The following LRRC8D variants were observed in gnomAD, a reference collection of about 807,000 sequenced individuals.
The protein encoded by LRRC8D is volume-regulated anion channel subunit LRRC8D.
LRRC8D carries 20 observed loss-of-function variants against 55.8 expected under a neutral mutation model. The observed-to-expected ratio is 0.36, with a 90% CI of 0.25 to 0.52. The LOEUF is 0.52. LRRC8D is among the 20% of genes least tolerant of loss of function. LRRC8D has a pLI of 0.93. For missense variants in LRRC8D, 651 were observed against 1,030.8 expected (o/e 0.63, Z 5.05); for synonymous variants, 352 against 377.0 (o/e 0.93, Z 0.77).
At chr1:89,906,122 C>G (rs900149626) in intron 2 of LRRC8D, among the ~76,000 whole-genome samples, 5 of 152,180 alleles carry the variant, frequency 3.3e-5, no homozygotes, top group African/African-American at 9.7e-5. Flanking sequence ...TAACTGCCCC[C>G]CAACTGCTGT....
intron 2 of LRRC8D, among the ~76,000 whole-genome samples, chr1:89,929,218 A>G (rs1381345560): frequency 2.6e-5 from 4 of 152,354 alleles, no homozygotes; most frequent in African/African-American, 9.6e-5. Flanking sequence ...CACATGGAAG[A>G]AACACCTCAC....
intron 2 of LRRC8D, among the ~76,000 whole-genome samples, chr1:89,930,902 G>C (rs1663688475): frequency 6.6e-6 from 1 of 151,360 alleles, no homozygotes; most frequent in South Asian, 2.1e-4. Flanking sequence ...ACCCACACAA[G>C]ATACAGGAGC....
chr1:89,891,410 G>A (rs998462190), intron 2 of LRRC8D, among the ~76,000 whole-genome samples: 1 of 152,146 alleles, frequency 6.6e-6, no homozygotes, highest in Non-Finnish European at 1.5e-5. Flanking sequence ...CTGTTAGTAA[G>A]GATGATGTCT....
intron 2 of LRRC8D, among the ~76,000 whole-genome samples, chr1:89,877,973 G>A (rs1477082107): frequency 6.6e-6 from 1 of 152,208 alleles, no homozygotes; most frequent in East Asian, 1.9e-4. Flanking sequence ...AGCTGAGCAG[G>A]ACTGGCAGGA....
chr1:89,855,793 T>C (rs540531323), intron 2 of LRRC8D, among the ~76,000 whole-genome samples: 1 of 152,344 alleles, frequency 6.6e-6, no homozygotes, highest in Admixed American at 6.5e-5. Flanking sequence ...TGTTCATAAA[T>C]ATGTTCTTCC....
In LRRC8D at chr1:89,935,211, A is replaced by G. The variant is rs774383573; in HGVS notation, c.2143A>G (p.Asn715Asp). Residue 715 changes from asparagine to aspartate, a missense_variant, in exon 3 of 3, where the codon AAC (asparagine) becomes GAC (aspartate). Physicochemically the swap from Asn to Asp is conservative, Grantham distance 23. Coordinates refer to ENST00000337338, the MANE Select transcript of LRRC8D (RefSeq NM_001134479.2). ...VKNLESLYFS[N>D]NKLESLPVAV... ...AAACTTGGAGTCACTTTATTTCTCT[A>G]ACAACAAGCTCGAATCCTTACCAGT... 2.2e-5 allele frequency: 35 copies of G among 1,614,060 alleles called. 1 individual carries two copies. Among genetic ancestry groups the G allele is most frequent in the South Asian group, 7.7e-5 (7 of 91,076 alleles).
chr1:89,933,626 T>TCCCA lies in LRRC8D; in HGVS notation c.559_562dup (p.Lys188ThrfsTer19), dbSNP rs1289132938. 1 of 1,614,108 alleles carries TCCCA rather than the reference T, an allele frequency of 6.2e-7. No homozygotes were observed. The highest frequency in any genetic ancestry group is 1.7e-5 in the Admixed American group (1 of 60,018). On this transcript the variant is annotated frameshift_variant, in exon 3 of 3. Transcript: ENST00000337338. LOFTEE classifies it high-confidence loss of function. This position sits in a 1 kb window ranked among gnomAD's most constrained non-coding sequence, Gnocchi z 7.0. ...TCAGTAGCAACTTTTGGTTCAAATA[T>TCCCA]CCCAAAACATGCTCAAAAGTAGAAC...
intron 2 of LRRC8D, among the ~76,000 whole-genome samples, chr1:89,907,765 G>A (rs1663032218): frequency 6.6e-6 from 1 of 152,160 alleles, no homozygotes; most frequent in South Asian, 2.1e-4. Flanking sequence ...ACACTGTTTT[G>A]TAATTAATGT....
chr1:89,927,087 C>G (rs1431306813), intron 2 of LRRC8D, among the ~76,000 whole-genome samples: 1 of 152,242 alleles, frequency 6.6e-6, no homozygotes, highest in Non-Finnish European at 1.5e-5. Context: ...ATGGCAGAAT[C>G]AGTCCTTTGT....
At chr1:89,895,076 C>T (rs1662672332) in intron 2 of LRRC8D, among the ~76,000 whole-genome samples, 1 of 147,650 alleles carries the variant, frequency 6.8e-6, no homozygotes, top group Non-Finnish European at 1.5e-5. Flanking sequence ...TGTTAACTGA[C>T]TCCTGTACTT....
At chr1:89,906,092 C>T (rs1052620752) in intron 2 of LRRC8D, among the ~76,000 whole-genome samples, 4 of 152,152 alleles carry the variant, frequency 2.6e-5, no homozygotes, top group Non-Finnish European at 5.9e-5. Context: ...ATGGGGCAGC[C>T]GCATTGTTCC....
At chr1:89,826,250 T>C (rs1437861114) in intron 1 of LRRC8D, among the ~76,000 whole-genome samples, 2 of 322 alleles carry the variant, frequency 6.2e-3, no homozygotes, top group Non-Finnish European at 0.17. Flanking sequence ...CCTTAAATTT[T>C]ATTTTATTTT....
chr1:89,931,303 CTTAAT>C (rs1190544287), intron 2 of LRRC8D, among the ~76,000 whole-genome samples: 2 of 138,580 alleles, frequency 1.4e-5, no homozygotes, highest in Non-Finnish European at 3.1e-5. Flanking sequence ...CCTTCAGAAA[CTTAAT>C]TTAAAACAGA....
chr1:89,830,042 A>G (rs989680179), intron 1 of LRRC8D, among the ~76,000 whole-genome samples: 1 of 152,260 alleles, frequency 6.6e-6, no homozygotes, highest in African/African-American at 2.4e-5. Flanking sequence ...AATAAATGCC[A>G]TAAATATATT....
intron 2 of LRRC8D, among the ~76,000 whole-genome samples, chr1:89,849,397 C>G (rs1364025029): frequency 6.6e-6 from 1 of 151,948 alleles, no homozygotes; most frequent in Non-Finnish European, 1.5e-5. Context: ...ATTGCTGGAT[C>G]ATAGGATATA....
At chr1:89,932,507 C>G (rs1034751464) in intron 2 of LRRC8D, among the ~76,000 whole-genome samples, 1 of 152,156 alleles carries the variant, frequency 6.6e-6, no homozygotes, top group African/African-American at 2.4e-5. Context: ...GTGCTAAGAG[C>G]GTTACAATCA....
chr1:89,909,042 GTGTC>G (rs1191574828), intron 2 of LRRC8D, among the ~76,000 whole-genome samples: 1 of 152,050 alleles, frequency 6.6e-6, no homozygotes, highest in Admixed American at 6.5e-5. Flanking sequence ...GTGTGTCTGT[GTGTC>G]TGTGTGTGTG....
In LRRC8D at chr1:89,935,124, A is replaced by G. The variant is rs778495839; in HGVS notation, c.2056A>G (p.Thr686Ala). ...CAGTTTCCAGCATTTAAAACGACTG[A>G]CTTGTTTAAAATTATGGCATAACAA... ...IISFQHLKRL[T>A]CLKLWHNKIV... The change falls in exon 3 of 3, where the codon ACT becomes GCT. Residue 686 changes from threonine (T) to alanine (A), a missense_variant. Physicochemically the swap from Thr to Ala is moderately conservative, Grantham distance 58 (BLOSUM62 0). Transcript: ENST00000337338. 1 of 1,614,190 alleles carries G rather than the reference A, an allele frequency of 6.2e-7. No homozygotes were observed. The highest frequency in any genetic ancestry group is 1.1e-5 in the South Asian group (1 of 91,084).
intron 2 of LRRC8D, among the ~76,000 whole-genome samples, 180 bp downstream of exon 2, chr1:89,843,962 C>A (rs114208181): frequency 4.6e-5 from 7 of 151,966 alleles, no homozygotes; most frequent in Non-Finnish European, 8.8e-5. Flanking sequence ...GGGTTCGGGC[C>A]GGCGGAAGGC....
Sources: gnomAD v4.1 joint callset for allele counts (sites outside exome capture counted in the v4.1 genomes callset) on GRCh38, gnomAD v4.1.1 for gene constraint, Gnocchi (gnomAD v3.1) non-coding constraint, MANE v1.5 for transcripts, NCBI Gene and HGNC (gene_info 2026-07-23, HGNC 2026-07-21) for gene names.